Variants in SLC25A48 observed in about 807,000 individuals in gnomAD.
The protein encoded by SLC25A48 is solute carrier family 25 member 48.
Under a neutral mutation model 32.2 loss-of-function variants are expected in SLC25A48, and 29 were observed. The observed-to-expected ratio is 0.90, with a 90% CI of 0.67 to 1.23. The LOEUF (loss-of-function observed/expected upper bound fraction) is 1.23, where lower values mean the gene tolerates loss of function less well. Ranked by LOEUF, SLC25A48 falls within the 50% of genes most tolerant of loss-of-function variation. The pLI is 0.00. For synonymous variants in SLC25A48, 164 were observed against 172.3 expected (o/e 0.95, Z 0.38); for missense variants, 399 against 422.7 (o/e 0.94, Z 0.49).
chr5:135,634,579 T>C (rs949661749), intron 2 of SLC25A48, among the ~76,000 whole-genome samples: 4 of 152,172 alleles, frequency 2.6e-5, no homozygotes, highest in Non-Finnish European at 4.4e-5. Flanking sequence ...CTGACTTGCA[T>C]TGGAAGATTT....
chr5:135,802,250 A>T (rs115023344), intron 3 of SLC25A48, among the ~76,000 whole-genome samples: 1 of 151,710 alleles, frequency 6.6e-6, no homozygotes, highest in African/African-American at 2.4e-5. Flanking sequence ...GGTGTACACC[A>T]TGCATGTATA....
intron 7 of SLC25A48, among the ~76,000 whole-genome samples, chr5:135,886,616 T>A (rs1451405014): frequency 1.2e-3 from 28 of 22,402 alleles, no homozygotes; most frequent in African/African-American, 2.1e-3. Flanking sequence ...TATATATATA[T>A]ATATATATAT....
intron 1 of SLC25A48, among the ~76,000 whole-genome samples, chr5:135,608,954 A>G (rs1297674066): frequency 6.6e-6 from 1 of 152,174 alleles, no homozygotes; most frequent in Non-Finnish European, 1.5e-5. Context: ...CCCTTTATCT[A>G]TGGATATCTG....
intron 1 of SLC25A48, among the ~76,000 whole-genome samples, chr5:135,601,884 CTT>C (rs1331765234): frequency 6.6e-6 from 1 of 152,222 alleles, no homozygotes; most frequent in African/African-American, 2.4e-5. Flanking sequence ...CGGGTGGTCA[CTT>C]AATGTTTCTG....
chr5:135,846,864 C>T (rs1464505597), intron 2 of SLC25A48, among the ~76,000 whole-genome samples: 1 of 152,040 alleles, frequency 6.6e-6, no homozygotes, highest in Admixed American at 6.6e-5. Flanking sequence ...AAAATATAAC[C>T]TCATGTTAAA....
chr5:135,624,219 G>A (rs971789410), intron 1 of SLC25A48, among the ~76,000 whole-genome samples: 6 of 152,308 alleles, frequency 3.9e-5, no homozygotes, highest in East Asian at 1.9e-4. Flanking sequence ...GGGAACCATA[G>A]CGCAGTGATG....
At chr5:135,752,228 A>G (rs1755787358) in intron 3 of SLC25A48, among the ~76,000 whole-genome samples, 1 of 152,200 alleles carries the variant, frequency 6.6e-6, no homozygotes. Flanking sequence ...AAGAGAATAA[A>G]AGGACAAGCT....
intron 3 of SLC25A48, among the ~76,000 whole-genome samples, chr5:135,754,339 A>G (rs1422446310): frequency 6.6e-6 from 1 of 152,036 alleles, no homozygotes; most frequent in African/African-American, 2.4e-5. Flanking sequence ...ACACAGGGTT[A>G]TTATTGTGAT....
At chr5:135,775,959 T>A (rs2126615010) in intron 3 of SLC25A48, among the ~76,000 whole-genome samples, 1 of 151,096 alleles carries the variant, frequency 6.6e-6, no homozygotes, top group African/African-American at 2.4e-5. Context: ...TATAAGAAGG[T>A]GAGAGGGTGA....
At chr5:135,756,697 C>T (rs949952492) in intron 3 of SLC25A48, among the ~76,000 whole-genome samples, 1 of 151,774 alleles carries the variant, frequency 6.6e-6, no homozygotes. Context: ...CTGTATGATA[C>T]CTATAATATG....
intron 1 of SLC25A48, among the ~76,000 whole-genome samples, chr5:135,622,134 T>G (rs2126899486): frequency 6.6e-6 from 1 of 152,312 alleles, no homozygotes; most frequent in South Asian, 2.1e-4. Context: ...CAATATATCA[T>G]TTTTCATATT....
rs1309759753 is a variant in SLC25A48, at chr5:135,698,076, CTA to C, written c.-521+63122_-521+63123del. 7.2e-5 allele frequency among the ~76,000 whole-genome samples: 11 copies of C among 152,336 alleles called. No homozygotes were observed. In the East Asian group the frequency reaches 2.1e-3, roughly 29 times the overall value. Reference sequence around the variant, plus strand: ...TCGCCACCTTTAGGTCTGCATCTACCTATGAGGAGCTGCCTAAATCACATTAT... The same window carrying C: ...TCGCCACCTTTAGGTCTGCATCTACCTGAGGAGCTGCCTAAATCACATTAT... On this transcript the variant is annotated intron_variant, in intron 3 of 10. Coordinates refer to the SLC25A48 transcript ENST00000646290.
upstream of SLC25A48, among the ~76,000 whole-genome samples, chr5:135,834,145 C>T (rs1219931017): frequency 6.6e-6 from 1 of 152,240 alleles, no homozygotes; most frequent in African/African-American, 2.4e-5. Context: ...AATGTAGGGT[C>T]TGCCTACAGA....
intron 3 of SLC25A48, among the ~76,000 whole-genome samples, chr5:135,851,967 A>G (rs533583818): frequency 1.1e-4 from 16 of 152,232 alleles, no homozygotes; most frequent in African/African-American, 3.9e-4. Flanking sequence ...GCACTCATCT[A>G]GAGGCTGGCC....
intron 1 of SLC25A48, among the ~76,000 whole-genome samples, chr5:135,586,815 A>T (rs1751377116): frequency 1.3e-5 from 2 of 152,170 alleles, no homozygotes. Context: ...CAAATTGTGC[A>T]GGGTCCTGGG....
chr5:135,827,384 G>T (rs1350942952), intron 4 of SLC25A48: 1 of 152,180 alleles, frequency 6.6e-6, no homozygotes, highest in Non-Finnish European at 1.5e-5. Context: ...GAAAGAGAGA[G>T]AAATCAATCG....
At chr5:135,771,293 A>G (rs1299073639) in intron 3 of SLC25A48, among the ~76,000 whole-genome samples, 3 of 151,712 alleles carry the variant, frequency 2.0e-5, no homozygotes, top group Non-Finnish European at 4.4e-5. Context: ...CCAGGGAGGT[A>G]GAGGGTGATA....
intron 7 of SLC25A48, among the ~76,000 whole-genome samples, chr5:135,886,844 A>G (rs1762757068): frequency 6.6e-6 from 1 of 151,336 alleles, no homozygotes; most frequent in Non-Finnish European, 1.5e-5. Context: ...AAACAAATGG[A>G]ATCCTATTTT....
At chr5:135,834,929 A>T in intron 1 of SLC25A48, 36 bp downstream of exon 1, 2 of 1,589,316 alleles carry the variant, frequency 1.3e-6, no homozygotes, top group Non-Finnish European at 1.7e-6. Context: ...GGTCAGAGAG[A>T]GCGAGCCTGG....
Sources: gnomAD v4.1 joint callset for allele counts (sites outside exome capture counted in the v4.1 genomes callset) on GRCh38, gnomAD v4.1.1 for gene constraint, MANE v1.5 for transcripts, NCBI Gene and HGNC (gene_info 2026-07-23, HGNC 2026-07-21) for gene names.